PDE4D: variants seen among roughly 807,000 people sequenced by gnomAD.
The protein encoded by PDE4D is 3',5'-cyclic-AMP phosphodiesterase 4D.
PDE4D carries 24 observed loss-of-function variants against 87.4 expected under a neutral mutation model. The observed-to-expected ratio is 0.27, with a 90% CI of 0.20 to 0.39. The LOEUF (loss-of-function observed/expected upper bound fraction) is 0.39, where lower values mean the gene tolerates loss of function less well. Ranked by LOEUF, PDE4D falls within the 10% of genes least tolerant of loss-of-function variation. The pLI is 1.00. For missense variants in PDE4D, 714 were observed against 1,041.0 expected, an observed-to-expected ratio of 0.69 and a Z score of 4.32; for synonymous variants, 384 against 383.2, an observed-to-expected ratio of 1.00 and a Z score of -0.02.
At chr5:60,373,434 T>C (rs1293394656) in intron 1 of PDE4D, among the ~76,000 whole-genome samples, 1 of 152,200 alleles carries the variant, frequency 6.6e-6, no homozygotes, top group African/African-American at 2.4e-5. Context: ...TTTTCTATTA[T>C]GTTTAGTTGC....
Position 59,649,905 on chromosome 5 carries a change from C to CTTTTTTTT in PDE4D, c.455+243255_455+243262dup, listed in dbSNP as rs1156467369. The stretch of plus-strand genomic sequence containing the variant: ...GTTAAAATGTTGATAGTTTGTGAAC[C>CTTTTTTTT]TTTTTTTTTTTTTTTTTTTTTTTTT... On this transcript the variant is annotated intron_variant, in intron 1 of 14. Transcript: ENST00000340635. 8.4e-4 allele frequency among the ~76,000 whole-genome samples: 61 copies of CTTTTTTTT among 72,442 alleles called. 4 individuals are homozygous for CTTTTTTTT. Among genetic ancestry groups the CTTTTTTTT allele is most frequent in the South Asian group, 1.1e-3 (2 of 1,806 alleles). 47.5% of individuals were successfully genotyped at this position (72,442 alleles called of 152,430 possible). A position where few individuals can be genotyped will look rare whatever the true frequency, so the allele number is the denominator to read the frequency against.
chr5:59,771,134 A>C (rs1055012822), intron 1 of PDE4D, among the ~76,000 whole-genome samples: 19 of 143,776 alleles, frequency 1.3e-4, no homozygotes, highest in Non-Finnish European at 2.8e-4. Context: ...CCAGCCTCAA[A>C]ATAAATAAAT....
intron 1 of PDE4D, among the ~76,000 whole-genome samples, chr5:60,449,386 C>T (rs1422881974): frequency 6.6e-6 from 1 of 150,802 alleles, no homozygotes; most frequent in African/African-American, 2.4e-5. Flanking sequence ...AGTAAACTAT[C>T]GCAAGAACAA....
At chr5:59,189,231 CG>C (rs1743640052) in intron 3 of PDE4D, among the ~76,000 whole-genome samples, 3 of 93,086 alleles carry the variant, frequency 3.2e-5, no homozygotes, top group Non-Finnish European at 6.3e-5. Context: ...GTTCCTACCC[CG>C]TTTTTTTTTT....
rs1747355957 is a variant in PDE4D at position 60,466,383 on chromosome 5, C to T, written c.-90+21559G>A. Among the ~76,000 whole-genome samples, 4 of 152,118 alleles carry T rather than the reference C, an allele frequency of 2.6e-5. No individual in the cohort carries two copies. The South Asian group carries it at 8.3e-4, about 32-fold the overall frequency. On this transcript the variant is annotated intron_variant, in intron 1 of 16. Coordinates refer to the PDE4D transcript ENST00000502484. ...AAAAATTACTTGATATCACAATTGGCATTTCAATTTTATAGTTCTTCTTGC... is the reference window on the plus strand; with the variant it reads ...AAAAATTACTTGATATCACAATTGGTATTTCAATTTTATAGTTCTTCTTGC...
rs766086193 is a variant in PDE4D, at chr5:59,771,469, GAAAGAAAGAAAGAA to G, written c.455+121685_455+121698del. Among the ~76,000 whole-genome samples, 216 of 88,980 alleles carry G rather than the reference GAAAGAAAGAAAGAA, an allele frequency of 2.4e-3. 4 individuals are homozygous for G. The highest frequency in any genetic ancestry group is 8.3e-3 in the African/African-American group (166 of 20,022). 58.4% of individuals were successfully genotyped at this position (88,980 alleles called of 152,430 possible). A position where few individuals can be genotyped will look rare whatever the true frequency, so the allele number is the denominator to read the frequency against. On this transcript the variant is annotated intron_variant, in intron 1 of 14. Coordinates refer to ENST00000340635, the MANE Select transcript of PDE4D (RefSeq NM_001104631.2). Reference sequence around the variant, plus strand: ...AGAAAGAAAGAAAGAAAGAAAGAAAGAAAGAAAGAAAGAAAGAGAGAGAGAGAGAGAAGAAAGAA... The same window carrying G: ...AGAAAGAAAGAAAGAAAGAAAGAAAGAGAGAGAGAGAGAGAGAAGAAAGAA...
chr5:59,531,818 G>A (rs1052158652), intron 1 of PDE4D, among the ~76,000 whole-genome samples: 1 of 152,178 alleles, frequency 6.6e-6, no homozygotes, highest in Non-Finnish European at 1.5e-5. Flanking sequence ...CTCAAGGTCT[G>A]TGCCCCTAAT....
intron 5 of PDE4D, among the ~76,000 whole-genome samples, chr5:59,144,287 G>C (rs2153456766): frequency 6.6e-6 from 1 of 152,260 alleles, no homozygotes; most frequent in Non-Finnish European, 1.5e-5. Flanking sequence ...GTCACTGGCT[G>C]TCTCTGGTTT....
chr5:59,403,040 TC>T (rs1790947641), intron 1 of PDE4D, among the ~76,000 whole-genome samples: 2 of 152,296 alleles, frequency 1.3e-5, no homozygotes, highest in South Asian at 4.1e-4. Context: ...TATATTACCT[TC>T]TTTATTTGAT....
At chr5:60,003,707 T>TAAAAAAAA (rs35100447) in intron 2 of PDE4D, among the ~76,000 whole-genome samples, 1 of 104,300 alleles carries the variant, frequency 9.6e-6, no homozygotes, top group African/African-American at 3.5e-5. Flanking sequence ...AGACTCCATC[T>TAAAAAAAA]AAAAAAAAAA....
At chr5:60,416,972 G>A (rs1742652991) in intron 1 of PDE4D, among the ~76,000 whole-genome samples, 1 of 152,150 alleles carries the variant, frequency 6.6e-6, no homozygotes, top group South Asian at 2.1e-4. Context: ...TAATCACACT[G>A]TGCGATTCCA....
At chr5:59,570,472 T>G (rs1821643923) in intron 1 of PDE4D, among the ~76,000 whole-genome samples, 1 of 152,180 alleles carries the variant, frequency 6.6e-6, no homozygotes, top group African/African-American at 2.4e-5. Context: ...AATTTTCACT[T>G]GTAAATAGTG....
intron 1 of PDE4D, among the ~76,000 whole-genome samples, chr5:60,425,895 A>G (rs6861702): frequency 0.14 from 21,529 of 152,248 alleles, 1,619 homozygotes; most frequent in African/African-American, 0.17. Context: ...ACACTTCTCA[A>G]AAGAAGACAT....
chr5:59,779,278 G>T (rs1431009503), intron 1 of PDE4D, among the ~76,000 whole-genome samples: 2 of 152,056 alleles, frequency 1.3e-5, no homozygotes, highest in Non-Finnish European at 2.9e-5. Flanking sequence ...AATGTTAAAA[G>T]TTCTGCAGAA....
At chr5:59,510,523 TA>T (rs1810109060) in intron 1 of PDE4D, among the ~76,000 whole-genome samples, 1 of 151,634 alleles carries the variant, frequency 6.6e-6, no homozygotes, top group Non-Finnish European at 1.5e-5. Flanking sequence ...GGGCATAGTA[TA>T]AGAGACAGAG....
At chr5:59,540,657 G>T (rs1816163146) in intron 1 of PDE4D, among the ~76,000 whole-genome samples, 1 of 152,094 alleles carries the variant, frequency 6.6e-6, no homozygotes, top group South Asian at 2.1e-4. Context: ...GTTGCTCAGT[G>T]TGAATTCTCA....
chr5:60,051,040 A>G (rs1332528041), intron 2 of PDE4D, among the ~76,000 whole-genome samples: 1 of 152,236 alleles, frequency 6.6e-6, no homozygotes. Context: ...TTCATAAAGC[A>G]AGTTTGTAGA....
intron 1 of PDE4D, among the ~76,000 whole-genome samples, chr5:59,825,996 C>T (rs564324404): frequency 2.0e-5 from 3 of 152,266 alleles, no homozygotes; most frequent in East Asian, 1.9e-4. Context: ...CACACCTTTA[C>T]CCCACTGGAA....
chr5:59,709,732 G>C (rs1753937479), intron 1 of PDE4D, among the ~76,000 whole-genome samples: 1 of 152,178 alleles, frequency 6.6e-6, no homozygotes, highest in African/African-American at 2.4e-5. Context: ...AAAGGGAGTA[G>C]ACGATTTGAA....
Sources: gnomAD v4.1 joint callset for allele counts (sites outside exome capture counted in the v4.1 genomes callset) on GRCh38, gnomAD v4.1.1 for gene constraint, MANE v1.5 for transcripts, NCBI Gene and HGNC (gene_info 2026-07-23, HGNC 2026-07-21) for gene names.